Variants in C19orf47 observed in about 807,000 individuals in gnomAD.
C19orf47 encodes the protein uncharacterized protein C19orf47.
C19orf47 carries 18 observed loss-of-function variants against 32.3 expected under a neutral mutation model. The ratio of observed to expected loss-of-function variants is 0.56; its 90% confidence interval spans 0.39 to 0.83. The LOEUF (loss-of-function observed/expected upper bound fraction) is 0.83. Ranked by LOEUF, C19orf47 falls within the 40% of genes least tolerant of loss-of-function variation. The pLI, the probability that C19orf47 is intolerant of heterozygous loss-of-function variation, is 0.00. For synonymous variants in C19orf47, 202 were observed against 211.1 expected, an observed-to-expected ratio of 0.96 and a Z score of 0.37; for missense variants, 484 against 531.6, an observed-to-expected ratio of 0.91 and a Z score of 0.88.
the C19orf47 span, among the ~76,000 whole-genome samples, chr19:40,309,686 C>CA: frequency 1.9e-3 from 258 of 136,694 alleles, no homozygotes; most frequent in Middle Eastern, 7.7e-3. Context: ...GACCTTATCT[C>CA]AAAAAAAAAA....
rs571141092 is a variant in C19orf47 at position 40,348,200 on chromosome 19, G to C, written c.-34+124C>G. The C allele has an allele frequency of 6.7e-6, 4 of 593,134 alleles. No individual in the cohort carries two copies. The East Asian group carries it at 1.6e-4, about 24-fold the overall frequency. The allele number at this position is 593,134 out of a possible 1,614,324, so 36.7% of individuals were successfully genotyped here. A position where few individuals can be genotyped will look rare whatever the true frequency, so the allele number is the denominator to read the frequency against. The stretch of plus-strand genomic sequence containing the variant: ...CCATTCCACAGGGGAGGAAACTGAG[G>C]CTCAAAGAAACAAATCGTAAGTCCG... On this transcript the variant is annotated intron_variant, in intron 1 of 8. Coordinates refer to ENST00000683109, the MANE Select transcript of C19orf47 (RefSeq NM_001256441.2).
intron 7 of C19orf47, 39 bp from the exon 8 acceptor site, chr19:40,324,115 G>A: frequency 1.2e-6 from 2 of 1,606,754 alleles, no homozygotes; most frequent in Non-Finnish European, 1.7e-6. Context: ...AGGCCCCGGT[G>A]GGCCAGGCCT....
chr19:40,314,427 CA>C, the C19orf47 span, among the ~76,000 whole-genome samples: 1 of 151,806 alleles, frequency 6.6e-6, no homozygotes, highest in Non-Finnish European at 1.5e-5. Context: ...AACTCCGTCT[CA>C]AAAACAAAAA....
At chr19:40,344,683 G>A (rs1023067362) in intron 1 of C19orf47, among the ~76,000 whole-genome samples, 3 of 152,098 alleles carry the variant, frequency 2.0e-5, no homozygotes, top group Admixed American at 1.3e-4. Flanking sequence ...GAAAAACCCC[G>A]ACTCATTGAG....
chr19:40,299,342 T>C, the C19orf47 span: 1 of 152,108 alleles, frequency 6.6e-6, no homozygotes, highest in Non-Finnish European at 1.5e-5. Context: ...AAATGAACAG[T>C]TGATTAAATA....
intron 7 of C19orf47, 133 bp downstream of exon 7, chr19:40,326,201 C>A: frequency 7.9e-7 from 1 of 1,271,286 alleles, no homozygotes. Flanking sequence ...TCACTGTCCC[C>A]TTGGCCTACG....
chr19:40,322,189 G>A lies in C19orf47; in HGVS notation c.851C>T (p.Ala284Val), dbSNP rs747016791. Reference sequence around the variant, plus strand: ...CAGTGTCGGGGCAGCAGCCGTTGTCGCTGAGCTTGTGGCCTTGGCTTTGAC... The same window carrying A: ...CAGTGTCGGGGCAGCAGCCGTTGTCACTGAGCTTGTGGCCTTGGCTTTGAC... The part of the protein sequence containing the change: ...LTVKAKATSS[A>V]TTAAAPTLRR... Residue 284 changes from alanine (A) to valine (V), a missense_variant, in exon 9 of 9, where the codon GCG (alanine) becomes GTG (valine). Physicochemically the swap from Ala to Val is moderately conservative, Grantham distance 64. Transcript: ENST00000683109. 22 of 1,611,696 alleles carry A rather than the reference G, an allele frequency of 1.4e-5. No homozygotes were observed. Among genetic ancestry groups the A allele is most frequent in the East Asian group, 1.3e-4 (6 of 44,896 alleles).
chr19:40,328,499 G>A lies in C19orf47; in HGVS notation c.353C>T (p.Thr118Ile), dbSNP rs375538388. ...NSLNHDSPPSTPPRRPDTSTS... is the reference protein window; with the variant it reads ...NSLNHDSPPSIPPRRPDTSTS... ...GCTGGTGTCCGGGCGCCTGGGGGGT[G>A]TGCTGGGTGGAGAGTCATGGTTCAG... Residue 118 changes from threonine (T) to isoleucine (I), a missense_variant, in exon 6 of 9, where the codon ACA becomes ATA. Physicochemically the swap from Thr to Ile is moderately conservative, Grantham distance 89. Around this residue, in one of 3 missense-constraint regions of C19orf47, gnomAD observed 376 missense variants for 370.2 expected, o/e 1.02. Transcript: ENST00000683109. 3.9e-5 allele frequency: 63 copies of A among 1,611,816 alleles called. 1 individual carries two copies. The highest frequency in any genetic ancestry group is 4.5e-5 in the Non-Finnish European group (53 of 1,179,068).
intron 4 of C19orf47, among the ~76,000 whole-genome samples, 199 bp downstream of exon 4, chr19:40,335,911 G>A (rs1275625016): frequency 1.3e-5 from 2 of 152,206 alleles, no homozygotes. Flanking sequence ...ACCCGGCCAG[G>A]TTTGCCTCTC....
intron 2 of C19orf47, among the ~76,000 whole-genome samples, chr19:40,340,181 AT>A (rs2078149059): frequency 6.6e-6 from 1 of 151,958 alleles, no homozygotes; most frequent in South Asian, 2.1e-4. Context: ...TATAATGTAC[AT>A]GCAAAAAAGT....
chr19:40,326,315 GC>G lies in C19orf47; in HGVS notation c.592+18del. The G allele has an allele frequency of 6.2e-7, 1 of 1,613,852 alleles. No individual in the cohort carries two copies. On this transcript the variant is annotated intron_variant, in intron 7 of 8. Coordinates refer to ENST00000683109, the MANE Select transcript of C19orf47 (RefSeq NM_001256441.2). ...GGACATGGACCCCGCAGGGAAGCAT[GC>G]CCCTGATGGGCCAGTACCTTTTGCA...
Position 40,339,368 on chromosome 19 carries a change from C to T in C19orf47, c.19+2471G>A, listed in dbSNP as rs566001651. ...TGTGCAATGATGTGAGTCTTGGAAT[C>T]GATGAGATGTGGCTTGTTGCACACA... On this transcript the variant is annotated intron_variant, in intron 2 of 8. Coordinates refer to ENST00000683109, the MANE Select transcript of C19orf47 (RefSeq NM_001256441.2). 3.3e-5 allele frequency among the ~76,000 whole-genome samples: 5 copies of T among 152,260 alleles called. No individual in the cohort carries two copies. The East Asian group carries it at 7.7e-4, about 23-fold the overall frequency.
chr19:40,312,795 T>C, the C19orf47 span, among the ~76,000 whole-genome samples: 2 of 152,180 alleles, frequency 1.3e-5, no homozygotes, highest in Non-Finnish European at 2.9e-5. Context: ...CCCCAAGTGA[T>C]AACAGCCTAA....
the C19orf47 span, among the ~76,000 whole-genome samples, chr19:40,298,301 C>CAAAAAA: frequency 2.8e-5 from 2 of 71,066 alleles, no homozygotes; most frequent in Non-Finnish European, 3.1e-5. Flanking sequence ...AACATTGTCT[C>CAAAAAA]AAAAAAAAAA....
the C19orf47 span, among the ~76,000 whole-genome samples, chr19:40,297,883 A>AT: frequency 4.0e-5 from 6 of 150,946 alleles, no homozygotes; most frequent in Non-Finnish European, 8.9e-5. Flanking sequence ...AAAAAAAAAA[A>AT]AAAAATAGCC....
chr19:40,301,313 TTTTA>T, the C19orf47 span, among the ~76,000 whole-genome samples: 2,843 of 140,250 alleles, frequency 0.02, 49 homozygotes, highest in African/African-American at 0.044. Context: ...CTTGAGAGGC[TTTTA>T]TTTATTTATT....
intron 2 of C19orf47, among the ~76,000 whole-genome samples, chr19:40,338,380 T>TAC (rs2078112500): frequency 1.3e-5 from 2 of 149,750 alleles, no homozygotes; most frequent in African/African-American, 2.5e-5. Context: ...TATATATATA[T>TAC]ACACATATAT....
chr19:40,322,216 G>A lies in C19orf47; in HGVS notation c.824C>T (p.Thr275Ile). The A allele has an allele frequency of 6.2e-7, 1 of 1,610,392 alleles. No homozygotes were observed. The highest frequency in any genetic ancestry group is 8.5e-7 in the Non-Finnish European group (1 of 1,179,978). Residue 275 changes from threonine to isoleucine, a missense_variant, in exon 9 of 9, where the codon ACT (threonine) becomes ATT (isoleucine). Thr to Ile is a moderately conservative substitution (Grantham distance 89). Around this residue, in one of 3 missense-constraint regions of C19orf47, gnomAD observed 376 missense variants for 370.2 expected, o/e 1.02. Coordinates refer to ENST00000683109, the MANE Select transcript of C19orf47 (RefSeq NM_001256441.2). ...PAKASPQPAL[T>I]VKAKATSSAT... The stretch of plus-strand genomic sequence containing the variant: ...TGAGCTTGTGGCCTTGGCTTTGACA[G>A]TCAGTGCTGGCTGGGGACTGGCCTT...
chr19:40,338,682 ATT>A (rs1462938647), intron 2 of C19orf47, among the ~76,000 whole-genome samples: 1 of 151,520 alleles, frequency 6.6e-6, no homozygotes, highest in African/African-American at 2.4e-5. Context: ...CGCCCCCGGC[ATT>A]TTTTTGTATT....
Sources: gnomAD v4.1 joint callset for allele counts (sites outside exome capture counted in the v4.1 genomes callset) on GRCh38, gnomAD v4.1.1 for gene constraint, gnomAD v4.1.1 regional missense constraint, MANE v1.5 for transcripts, NCBI Gene and HGNC (gene_info 2026-07-23, HGNC 2026-07-21) for gene names.